VCP: variants seen among roughly 807,000 people sequenced by gnomAD.
The protein encoded by VCP is transitional endoplasmic reticulum ATPase.
Under a neutral mutation model 85.7 loss-of-function variants are expected in VCP, and 6 were observed. The ratio of observed to expected loss-of-function variants is 0.07; its 90% CI spans 0.04 to 0.14. The LOEUF (loss-of-function observed/expected upper bound fraction) is 0.14. Ranked by LOEUF, VCP falls within the 10% of genes least tolerant of loss-of-function variation. The probability of loss-of-function intolerance (pLI) is 1.00; values close to 1 mark genes in which losing one functional copy is unlikely to be tolerated. For missense variants in VCP, 353 were observed against 1,043.4 expected (o/e 0.34, Z 9.12); for synonymous variants, 384 against 367.1 (o/e 1.05, Z -0.53).
rs869178164 is a variant in VCP at position 35,071,293 on chromosome 9, G to GTT, written c.17+1042_17+1043dup. On this transcript the variant is annotated intron_variant, in intron 1 of 16. Transcript: ENST00000358901. Reference sequence around the variant, plus strand: ...CATAGAGTTTCCTTGGGCTGGCTGTGTTTTTTTTTTTTTTTTTTTTTTTTT... The same window carrying GTT: ...CATAGAGTTTCCTTGGGCTGGCTGTGTTTTTTTTTTTTTTTTTTTTTTTTTTT... Among the ~76,000 whole-genome samples, 323 of 69,112 alleles carry GTT rather than the reference G, an allele frequency of 4.7e-3. 52 individuals are homozygous for GTT. The highest frequency in any genetic ancestry group is 0.016 in the African/African-American group (278 of 17,694). 45.3% of individuals were successfully genotyped at this position (69,112 alleles called of 152,430 possible).
chr9:35,065,600 A>T (rs1001011267), intron 4 of VCP, among the ~76,000 whole-genome samples: 1 of 152,204 alleles, frequency 6.6e-6, no homozygotes, highest in Non-Finnish European at 1.5e-5. Context: ...AGGTCAGTGA[A>T]CAAAACCTGA....
intron 6 of VCP, 70 bp downstream of exon 6, chr9:35,064,084 G>A: frequency 6.2e-7 from 1 of 1,607,176 alleles, no homozygotes; most frequent in Admixed American, 1.7e-5. Flanking sequence ...ACAGTCCCAG[G>A]ATTAGACATT....
In VCP at chr9:35,059,344, A is replaced by T; in HGVS notation, c.2005-125T>A. 1 of 1,533,274 alleles carries T rather than the reference A, an allele frequency of 6.5e-7. No individual in the cohort carries two copies. The allele number at this position is 1,533,274 out of a possible 1,614,324, so 95.0% of individuals were successfully genotyped here. A position where few individuals can be genotyped will look rare whatever the true frequency, so the allele number is the denominator to read the frequency against. On this transcript the variant is annotated intron_variant, in intron 14 of 16. Coordinates refer to ENST00000358901, the MANE Select transcript of VCP (RefSeq NM_007126.5). This position sits in a 1 kb window ranked among gnomAD's most constrained non-coding sequence, Gnocchi z 4.9. Reference sequence around the variant, plus strand: ...CTTTGGCCACCCCATTTTATTCCTGATTCTAGATTATCTTGATATCCTCAA... The same window carrying T: ...CTTTGGCCACCCCATTTTATTCCTGTTTCTAGATTATCTTGATATCCTCAA...
intron 10 of VCP, among the ~76,000 whole-genome samples, 186 bp downstream of exon 10, chr9:35,061,391 C>G (rs1347209566): frequency 1.3e-5 from 2 of 152,214 alleles, no homozygotes; most frequent in Non-Finnish European, 2.9e-5. Context: ...CTGATTTACT[C>G]TAAATGCAGC....
At position 35,072,225 on chromosome 9, in the gene VCP, T is replaced by C. The variant is rs921861869; in HGVS notation, c.17+112A>G. 5 of 1,456,080 alleles carry C rather than the reference T, an allele frequency of 3.4e-6. No individual in the cohort carries two copies. The African/African-American group carries it at 4.4e-5, about 13-fold the overall frequency. 90.2% of individuals were successfully genotyped at this position (1,456,080 alleles called of 1,614,324 possible). Reference sequence around the variant, plus strand: ...CGCCCCCTAGCTTCCCTTCCCTCTTTCCTGGTCTCCACCTCTCTGACGCGC... The same window carrying C: ...CGCCCCCTAGCTTCCCTTCCCTCTTCCCTGGTCTCCACCTCTCTGACGCGC... On this transcript the variant is annotated intron_variant, in intron 1 of 16. Coordinates refer to ENST00000358901, the MANE Select transcript of VCP (RefSeq NM_007126.5).
At chr9:35,057,979 T>A (rs1421126395) in intron 15 of VCP, 1 of 294,026 alleles carries the variant, frequency 3.4e-6, no homozygotes, top group Non-Finnish European at 6.6e-6. Flanking sequence ...CTTACCACAT[T>A]TGGATTACAT....
chr9:35,058,718 G>A (rs1044662460), intron 15 of VCP, among the ~76,000 whole-genome samples: 2 of 152,122 alleles, frequency 1.3e-5, no homozygotes, highest in African/African-American at 4.8e-5. Flanking sequence ...AGTGAGCCAA[G>A]ATCGTGCCAC....
At chr9:35,063,159 G>A in intron 6 of VCP, 79 bp from the exon 7 acceptor site, 3 of 1,300,650 alleles carry the variant, frequency 2.3e-6, no homozygotes, top group Non-Finnish European at 3.3e-6. Context: ...CTCCAGAGAG[G>A]GTGAGAATCA....
intron 6 of VCP, 64 bp downstream of exon 6, chr9:35,064,089 GA>G: frequency 6.2e-7 from 1 of 1,608,544 alleles, no homozygotes; most frequent in Non-Finnish European, 8.5e-7. Context: ...CCCAGGATTA[GA>G]CATTGGGACA....
intron 4 of VCP, 133 bp downstream of exon 4, chr9:35,066,542 A>G: frequency 1.1e-5 from 15 of 1,363,176 alleles, no homozygotes; most frequent in South Asian, 1.4e-5. Flanking sequence ...CATCTCTTAA[A>G]AAATGAATAA....
intron 3 of VCP, among the ~76,000 whole-genome samples, chr9:35,067,554 G>A (rs1009224326): frequency 2.6e-5 from 4 of 152,090 alleles, no homozygotes; most frequent in East Asian, 3.9e-4. Flanking sequence ...GTAGTGAGGA[G>A]ATTATTTGGC....
In VCP at chr9:35,059,246, G is replaced by C. The variant is rs746559433; in HGVS notation, c.2005-27C>G. The C allele has an allele frequency of 6.2e-7, 1 of 1,613,990 alleles. No homozygotes were observed. Among genetic ancestry groups the C allele is most frequent in the South Asian group, 1.1e-5 (1 of 91,030 alleles). On this transcript the variant is annotated intron_variant, in intron 14 of 16. Coordinates refer to ENST00000358901, the MANE Select transcript of VCP (RefSeq NM_007126.5). This position sits in a 1 kb window ranked among gnomAD's most constrained non-coding sequence, Gnocchi z 4.9. ...TAAAAGCAGCAGCAGAGGTACCTTA[G>C]CATTTAGCCTCTCCTCTCGAGATAC...
chr9:35,063,913 A>G (rs1317919907), intron 6 of VCP, among the ~76,000 whole-genome samples: 1 of 152,254 alleles, frequency 6.6e-6, no homozygotes, highest in African/African-American at 2.4e-5. Context: ...ACCCATATAT[A>G]TATGTGTGTG....
chr9:35,057,019 C>A lies in VCP; in HGVS notation c.*98G>T, dbSNP rs1828621183. 1.7e-6 allele frequency: 2 copies of A among 1,176,716 alleles called. No individual in the cohort carries two copies. Among genetic ancestry groups the A allele is most frequent in the Non-Finnish European group, 2.5e-6 (2 of 790,550 alleles). The allele number at this position is 1,176,716 out of a possible 1,614,324, so 72.9% of individuals were successfully genotyped here. ...TGTTCAGACTGGAGAATGGAGCAGG[C>A]TGTGGGCGCACCCCTGGTCCCTCTC... On this transcript the variant is annotated 3_prime_UTR_variant, in exon 17 of 17. Coordinates refer to ENST00000358901, the MANE Select transcript of VCP (RefSeq NM_007126.5).
chr9:35,064,372 T>C, intron 5 of VCP, 87 bp from the exon 6 acceptor site: 2 of 1,573,342 alleles, frequency 1.3e-6, no homozygotes, highest in Non-Finnish European at 1.7e-6. Context: ...CACTACCTAG[T>C]GTGCAAAAAC....
At chr9:35,063,542 C>A (rs942459899) in intron 6 of VCP, among the ~76,000 whole-genome samples, 1 of 152,176 alleles carries the variant, frequency 6.6e-6, no homozygotes, top group Non-Finnish European at 1.5e-5. Context: ...TTACAATCAT[C>A]ATTTTTCTTC....
intron 9 of VCP, 34 bp from the exon 10 acceptor site, chr9:35,061,723 A>C: frequency 4.4e-6 from 7 of 1,584,014 alleles, no homozygotes; most frequent in Non-Finnish European, 6.1e-6. Context: ...AACAGGGCTC[A>C]TCTCTAGTCC....
rs767586852 is a variant in VCP, at chr9:35,065,431, A to G, written c.446-50T>C. On this transcript the variant is annotated intron_variant, in intron 4 of 16. Coordinates refer to ENST00000358901, the MANE Select transcript of VCP (RefSeq NM_007126.5). The stretch of plus-strand genomic sequence containing the variant: ...CAGTTAGAGGTGTCAACTACAAGAC[A>G]AAGTGAGAACTCATCAGACCCTGGG... 2.5e-6 allele frequency: 4 copies of G among 1,612,680 alleles called. No homozygotes were observed. The Admixed American group carries it at 6.7e-5, about 27-fold the overall frequency.
chr9:35,068,224 A>C (rs1291612737), intron 2 of VCP, 27 bp downstream of exon 2: 1 of 1,611,266 alleles, frequency 6.2e-7, no homozygotes, highest in Non-Finnish European at 8.5e-7. Flanking sequence ...TGCAGTAAGG[A>C]AAGACTAGTC....
Sources: gnomAD v4.1 joint callset for allele counts (sites outside exome capture counted in the v4.1 genomes callset) on GRCh38, gnomAD v4.1.1 for gene constraint, Gnocchi (gnomAD v3.1) non-coding constraint, MANE v1.5 for transcripts, NCBI Gene and HGNC (gene_info 2026-07-23, HGNC 2026-07-21) for gene names.